The following DNAH11 variants were observed in gnomAD, a reference collection of about 807,000 sequenced individuals.
The protein encoded by DNAH11 is dynein axonemal heavy chain 11.
Under a neutral mutation model 526.0 loss-of-function variants are expected in DNAH11, and 442 were observed. The observed-to-expected ratio is 0.84, with a 90% CI of 0.78 to 0.91. The LOEUF (loss-of-function observed/expected upper bound fraction) is 0.91, where lower values mean the gene tolerates loss of function less well. Ranked by LOEUF, DNAH11 falls within the 40% of genes least tolerant of loss-of-function variation. DNAH11 has a pLI of 0.00. For missense variants in DNAH11, 6,989 were observed against 5,448.7 expected, an observed-to-expected ratio of 1.28 and a Z score of -8.90; for synonymous variants, 2,461 against 1,935.9, an observed-to-expected ratio of 1.27 and a Z score of -7.12.
In DNAH11 at chr7:21,873,347, G is replaced by A; in HGVS notation, c.12041G>A (p.Arg4014Lys). Residue 4014 changes from arginine to lysine, a missense_variant, in exon 74 of 82, where the codon AGA becomes AAA. Arg to Lys is a conservative substitution (Grantham distance 26). Coordinates refer to ENST00000409508, the MANE Select transcript of DNAH11 (RefSeq NM_001277115.2). ...LLERFSQGSH[R>K]DYRVFMSAES... is the part of the protein sequence containing the mutation. ...GAAAGATTCAGCCAAGGAAGCCACAGAGATTACAGGGTTTTCATGAGTGCT... is the reference window on the plus strand; with the variant it reads ...GAAAGATTCAGCCAAGGAAGCCACAAAGATTACAGGGTTTTCATGAGTGCT... 1 of 1,613,408 alleles carries A rather than the reference G, an allele frequency of 6.2e-7. No homozygotes were observed. The highest frequency in any genetic ancestry group is 1.1e-5 in the South Asian group (1 of 90,914).
At chr7:21,608,311 G>C (rs1026704185) in intron 20 of DNAH11, among the ~76,000 whole-genome samples, 7 of 152,120 alleles carry the variant, frequency 4.6e-5, no homozygotes, top group Non-Finnish European at 8.8e-5. Flanking sequence ...TTAGAAAAAT[G>C]GTGTCTTTGT....
intron 61 of DNAH11, among the ~76,000 whole-genome samples, chr7:21,799,501 C>G (rs1476379586): frequency 1.3e-5 from 2 of 152,122 alleles, no homozygotes; most frequent in African/African-American, 4.8e-5. Flanking sequence ...CCACGCCCGG[C>G]TAATTTTTGT....
At chr7:21,826,166 A>C (rs1238074629) in intron 65 of DNAH11, among the ~76,000 whole-genome samples, 1 of 152,114 alleles carries the variant, frequency 6.6e-6, no homozygotes, top group African/African-American at 2.4e-5. Context: ...AAATCTATAA[A>C]AGTCATTTTC....
intron 8 of DNAH11, among the ~76,000 whole-genome samples, chr7:21,578,876 C>CCTCCCCAAACCTACTCTTGCCTGTCT (rs1784204791): frequency 6.6e-6 from 1 of 152,100 alleles, no homozygotes; most frequent in Non-Finnish European, 1.5e-5. Flanking sequence ...CCTGCCTGTC[C>CCTCCCCAAACCTACTCTTGCCTGTCT]CTCCCCAAAC....
At chr7:21,715,116 C>T (rs2965405) in intron 42 of DNAH11, among the ~76,000 whole-genome samples, 77,536 of 152,082 alleles carry the variant, frequency 0.51, 21,628 homozygotes, top group East Asian at 0.87. Flanking sequence ...GTACTGCTAA[C>T]GTCTGCCATT....
At chr7:21,749,574 T>G in intron 52 of DNAH11, 104 bp from the exon 53 acceptor site, 1 of 1,484,626 alleles carries the variant, frequency 6.7e-7, no homozygotes. Context: ...CACCCCACAG[T>G]GCTATGGCGA....
chr7:21,710,432 C>A, intron 40 of DNAH11, 121 bp from the exon 41 acceptor site: 2 of 780,208 alleles, frequency 2.6e-6, no homozygotes, highest in Non-Finnish European at 4.0e-6. Context: ...AAAGGTGTTA[C>A]ACACTGCCCG....
At chr7:21,622,227 A>C (rs558869086) in intron 25 of DNAH11, among the ~76,000 whole-genome samples, 1 of 152,330 alleles carries the variant, frequency 6.6e-6, no homozygotes, top group East Asian at 1.9e-4. Flanking sequence ...CAATTGCTTC[A>C]AAGAGAATAA....
chr7:21,868,877 C>T lies in DNAH11; in HGVS notation c.11853C>T (p.Gly3951=), dbSNP rs1562594242. The T allele has an allele frequency of 2.5e-6, 4 of 1,613,996 alleles. No individual in the cohort carries two copies. The South Asian group carries it at 3.3e-5, about 13-fold the overall frequency. The part of the protein sequence containing the change: ...KDLEILGKRL[G]FTIDSGKFHN... The stretch of plus-strand genomic sequence containing the variant: ...ATTCTCCCACAGGCAAAAGACTTGG[C>T]TTTACAATTGACTCTGGAAAATTCC... The change falls in exon 73 of 82, where the codon GGC becomes GGT. Residue 3951 remains glycine (G), a synonymous_variant. Transcript: ENST00000409508.
intron 64 of DNAH11, 114 bp from the exon 65 acceptor site, chr7:21,818,103 C>CT (rs1562564427): frequency 1.9e-6 from 2 of 1,041,386 alleles, no homozygotes; most frequent in African/African-American, 3.3e-5. Context: ...ATAGTTTTCT[C>CT]TAAGTTTGTC....
chr7:21,765,820 G>A (rs143452235), intron 55 of DNAH11, among the ~76,000 whole-genome samples: 8 of 152,104 alleles, frequency 5.3e-5, no homozygotes, highest in African/African-American at 1.7e-4. Context: ...ATGTGCACAC[G>A]TGCGTGAACA....
At position 21,543,602 on chromosome 7, in the gene DNAH11, A is replaced by G. The variant is rs1782674510; in HGVS notation, c.351+6A>G. On this transcript the variant is annotated splice_donor_region_variant and intron_variant, in intron 1 of 81. Coordinates refer to ENST00000409508, the MANE Select transcript of DNAH11 (RefSeq NM_001277115.2). ...GCCTTGCGGCTTCCCAGGAGGTAAG[A>G]GGCGACGGGCAAGGGGACCTGCCCA... 1.3e-6 allele frequency: 2 copies of G among 1,582,056 alleles called. No individual in the cohort carries two copies. The highest frequency in any genetic ancestry group is 1.3e-5 in the African/African-American group (1 of 74,322).
chr7:21,588,155 C>A lies in DNAH11; in HGVS notation c.1802C>A (p.Thr601Lys). The change falls in exon 10 of 82, where the codon ACA becomes AAA. Residue 601 changes from threonine (T) to lysine (K), a missense_variant. Thr to Lys is a moderately conservative substitution (Grantham distance 78, BLOSUM62 -1). Transcript: ENST00000409508. ...AGCACACTAGTGCATATGTTTAATA[C>A]AGAGCTGGATGTGTGTAAGCAACTG... is the stretch of plus-strand genomic sequence containing the variant. ...HYSTLVHMFN[T>K]ELDVCKQLYN... The A allele has an allele frequency of 1.2e-6, 2 of 1,613,340 alleles. No homozygotes were observed. Among genetic ancestry groups the A allele is most frequent in the Non-Finnish European group, 1.7e-6 (2 of 1,179,638 alleles).
chr7:21,819,508 G>T (rs983962387), intron 65 of DNAH11, among the ~76,000 whole-genome samples: 2 of 152,190 alleles, frequency 1.3e-5, no homozygotes, highest in African/African-American at 4.8e-5. Flanking sequence ...TGTGTCTGAT[G>T]TGTTAAAAAT....
At chr7:21,780,578 AT>A (rs138221840) in intron 57 of DNAH11, among the ~76,000 whole-genome samples, 7,769 of 151,934 alleles carry the variant, frequency 0.051, 323 homozygotes, top group East Asian at 0.25. Context: ...TACTCTAGAG[AT>A]TTTTTTTTGC....
chr7:21,705,578 C>T, intron 39 of DNAH11, 41 bp downstream of exon 39: 2 of 1,582,390 alleles, frequency 1.3e-6, no homozygotes, highest in Non-Finnish European at 8.7e-7. Context: ...ATGGAAAGAA[C>T]ATTTGTTGTC....
intron 72 of DNAH11, 35 bp from the exon 73 acceptor site, chr7:21,868,829 G>A (rs1213985057): frequency 6.2e-7 from 1 of 1,613,154 alleles, no homozygotes; most frequent in South Asian, 1.1e-5. Flanking sequence ...CTCCTTCATA[G>A]ACATTTCCTC....
At chr7:21,754,841 C>T (rs1451526615) in intron 54 of DNAH11, among the ~76,000 whole-genome samples, 1 of 152,130 alleles carries the variant, frequency 6.6e-6, no homozygotes, top group East Asian at 1.9e-4. Flanking sequence ...AGTCTTTTAG[C>T]CTGAAAATAC....
At chr7:21,693,472 G>A (rs1042144597) in intron 35 of DNAH11, among the ~76,000 whole-genome samples, 1 of 152,170 alleles carries the variant, frequency 6.6e-6, no homozygotes, top group Non-Finnish European at 1.5e-5. Flanking sequence ...TCAGAGTAGT[G>A]CTGACATCAT....
Sources: gnomAD v4.1 joint callset for allele counts (sites outside exome capture counted in the v4.1 genomes callset) on GRCh38, gnomAD v4.1.1 for gene constraint, MANE v1.5 for transcripts, NCBI Gene and HGNC (gene_info 2026-07-23, HGNC 2026-07-21) for gene names.